The following PKIB variants were observed in gnomAD, a reference collection of about 807,000 sequenced individuals.
PKIB encodes the protein PKI-beta.
PKIB carries 2 observed loss-of-function variants against 4.5 expected under a neutral mutation model. That is an observed-to-expected ratio of 0.44 (90% confidence interval 0.18 to 1.39). The LOEUF (loss-of-function observed/expected upper bound fraction) is 1.39, where lower values mean the gene tolerates loss of function less well. PKIB is among the 40% of genes most tolerant of loss of function. The pLI, the probability that PKIB is intolerant of heterozygous loss-of-function variation, is 0.27. For synonymous variants in PKIB, 38 were observed against 36.0 expected (o/e 1.06, Z -0.20); for missense variants, 94 against 92.6 (o/e 1.02, Z -0.06).
intron 2 of PKIB, among the ~76,000 whole-genome samples, chr6:122,553,416 C>T (rs1158475263): frequency 2.7e-5 from 4 of 149,420 alleles, no homozygotes; most frequent in Non-Finnish European, 5.9e-5. Context: ...GCAGTTTCCT[C>T]ACTCTAGAAA....
intron 3 of PKIB, among the ~76,000 whole-genome samples, chr6:122,681,221 A>G (rs958031194): frequency 6.6e-6 from 1 of 151,366 alleles, no homozygotes; most frequent in Non-Finnish European, 1.5e-5. Flanking sequence ...AATAGTTTTT[A>G]TAATGTTTTT....
intron 2 of PKIB, chr6:122,531,187 T>C (rs547597205): frequency 2.4e-4 from 36 of 152,298 alleles, no homozygotes; most frequent in Non-Finnish European, 4.4e-4. Context: ...AAAGAAAATA[T>C]GTATGTGAAA....
At chr6:122,495,493 C>A (rs1011180457) in intron 2 of PKIB, among the ~76,000 whole-genome samples, 1 of 152,132 alleles carries the variant, frequency 6.6e-6, no homozygotes, top group Admixed American at 6.6e-5. Flanking sequence ...CAGGCCACCC[C>A]TCCCCATCAC....
At chr6:122,494,538 A>G (rs1250308437) in intron 2 of PKIB, among the ~76,000 whole-genome samples, 1 of 152,222 alleles carries the variant, frequency 6.6e-6, no homozygotes, top group Non-Finnish European at 1.5e-5. Flanking sequence ...CTGGAAGATG[A>G]TCAGCAAGTT....
chr6:122,599,751 T>C (rs537197734), intron 3 of PKIB, among the ~76,000 whole-genome samples: 2 of 152,286 alleles, frequency 1.3e-5, no homozygotes, highest in South Asian at 4.1e-4. Flanking sequence ...ATTTATTTTG[T>C]ATAACTCTCT....
chr6:122,680,830 G>A (rs1037871002), intron 3 of PKIB, among the ~76,000 whole-genome samples: 1 of 152,100 alleles, frequency 6.6e-6, no homozygotes, highest in Non-Finnish European at 1.5e-5. Context: ...TAGCCAAAAC[G>A]AACTTTTTAA....
At chr6:122,515,645 G>C (rs1184057022) in intron 2 of PKIB, among the ~76,000 whole-genome samples, 1 of 152,164 alleles carries the variant, frequency 6.6e-6, no homozygotes, top group East Asian at 1.9e-4. Flanking sequence ...TGTTCATTTA[G>C]ATAAGTCAAA....
intron 2 of PKIB, among the ~76,000 whole-genome samples, chr6:122,487,108 A>G (rs887465403): frequency 6.6e-6 from 1 of 152,204 alleles, no homozygotes; most frequent in Admixed American, 6.5e-5. Context: ...GCTTCTTTCT[A>G]CATTGAACAT....
rs185735899 is a variant in PKIB, at chr6:122,549,893, C to T, written c.-247-36028C>T. Among the ~76,000 whole-genome samples, 1,134 of 141,784 alleles carry T rather than the reference C, an allele frequency of 8.0e-3. 13 individuals carry two copies. Among genetic ancestry groups the T allele is most frequent in the East Asian group, 0.048 (226 of 4,744 alleles). The allele number at this position is 141,784 out of a possible 152,430, so 93.0% of individuals were successfully genotyped here. A position where few individuals can be genotyped will look rare whatever the true frequency, so the allele number is the denominator to read the frequency against. On this transcript the variant is annotated intron_variant, in intron 2 of 6. Transcript: ENST00000392491. ...ATAAAAATATATAATTTTATATATA[C>T]ACACACACACACACACATATATATA...
chr6:122,598,594 G>A (rs1037212239), intron 3 of PKIB, among the ~76,000 whole-genome samples: 1 of 152,180 alleles, frequency 6.6e-6, no homozygotes, highest in Non-Finnish European at 1.5e-5. Context: ...TTTTGCAAGA[G>A]ATTGGTGAAG....
At chr6:122,611,683 C>A (rs1019799639) in intron 1 of PKIB, among the ~76,000 whole-genome samples, 7 of 152,090 alleles carry the variant, frequency 4.6e-5, no homozygotes, top group Non-Finnish European at 8.8e-5. Flanking sequence ...ACTGACATTG[C>A]CACACATTCA....
intron 2 of PKIB, among the ~76,000 whole-genome samples, chr6:122,674,226 G>A (rs1453115730): frequency 6.6e-6 from 1 of 152,146 alleles, no homozygotes; most frequent in East Asian, 1.9e-4. Context: ...GTTAATTGTA[G>A]AATGATCATG....
chr6:122,599,987 ATATCTATATC>A (rs1384493942), intron 3 of PKIB, among the ~76,000 whole-genome samples: 3 of 140,144 alleles, frequency 2.1e-5, no homozygotes, highest in Non-Finnish European at 4.4e-5. Context: ...ATCTATATCT[ATATCTATATC>A]TATATCTATA....
chr6:122,715,650 T>TAA (rs1779458376), intron 3 of PKIB, among the ~76,000 whole-genome samples: 2 of 27,178 alleles, frequency 7.4e-5, no homozygotes, highest in South Asian at 1.6e-3. Context: ...GTATTTTATG[T>TAA]ATATATATAT....
intron 2 of PKIB, among the ~76,000 whole-genome samples, chr6:122,563,488 T>C (rs1773092382): frequency 6.6e-6 from 1 of 152,002 alleles, no homozygotes; most frequent in South Asian, 2.1e-4. Context: ...TGTAGGAGTA[T>C]AGAGAGGGAC....
intron 3 of PKIB, among the ~76,000 whole-genome samples, chr6:122,689,480 G>T (rs1048312925): frequency 1.3e-5 from 2 of 152,080 alleles, no homozygotes; most frequent in Admixed American, 6.6e-5. Context: ...TTCGTTTCAA[G>T]AAATTTTTCA....
intron 3 of PKIB, among the ~76,000 whole-genome samples, chr6:122,695,205 T>C (rs2115010792): frequency 6.6e-6 from 1 of 152,248 alleles, no homozygotes; most frequent in African/African-American, 2.4e-5. Flanking sequence ...TGTTGAGACA[T>C]GAAAGGTAAG....
At chr6:122,497,817 T>C (rs975771888) in intron 2 of PKIB, among the ~76,000 whole-genome samples, 2 of 152,072 alleles carry the variant, frequency 1.3e-5, no homozygotes, top group Admixed American at 6.6e-5. Flanking sequence ...GGAAGAAAAC[T>C]AATAAGAAAG....
chr6:122,716,524 C>A (rs6569273), intron 3 of PKIB, among the ~76,000 whole-genome samples: 63,907 of 151,902 alleles, frequency 0.42, 14,966 homozygotes, highest in South Asian at 0.64. Flanking sequence ...ACAATAATAT[C>A]TATGGAATTA....
Sources: allele counts gnomAD v4.1 joint callset (sites outside exome capture counted in the v4.1 genomes callset), GRCh38; gene constraint gnomAD v4.1.1; transcripts MANE v1.5; gene names NCBI Gene and HGNC (gene_info 2026-07-23, HGNC 2026-07-21).